The following CCNY variants were observed in gnomAD, a reference collection of about 807,000 sequenced individuals.
CCNY encodes cyclin-Y.
CCNY carries 19 observed loss-of-function variants against 42.8 expected under a neutral mutation model. The ratio of observed to expected loss-of-function variants is 0.44; its 90% CI spans 0.31 to 0.65. The LOEUF is 0.65. Ranked by LOEUF, CCNY falls within the 30% of genes least tolerant of loss-of-function variation. The pLI, the probability that CCNY is intolerant of heterozygous loss-of-function variation, is 0.07. For missense variants in CCNY, 370 were observed against 437.3 expected, an observed-to-expected ratio of 0.85 and a Z score of 1.37; for synonymous variants, 165 against 162.7, an observed-to-expected ratio of 1.01 and a Z score of -0.11.
chr10:35,253,077 A>G lies in CCNY; in HGVS notation c.-9+2451A>G, dbSNP rs1238112863. ...CACGGGACTGAACACTATTAAGTCC[A>G]TGAGAACAAATGAAGTTCACTGCTG... On this transcript the variant is annotated intron_variant, in intron 3 of 11. Coordinates refer to the CCNY transcript ENST00000374706. 4.6e-5 allele frequency among the ~76,000 whole-genome samples: 7 copies of G among 152,354 alleles called. No individual in the cohort carries two copies. The East Asian group carries it at 9.6e-4, about 21-fold the overall frequency.
At chr10:35,248,660 A>G (rs2095709817) in intron 2 of CCNY, among the ~76,000 whole-genome samples, 1 of 151,100 alleles carries the variant, frequency 6.6e-6, no homozygotes, top group South Asian at 2.1e-4. Context: ...AAAAAAAAGA[A>G]AGAAAGAAAA....
At chr10:35,447,387 G>A (rs10508817) in intron 1 of CCNY, among the ~76,000 whole-genome samples, 1 of 152,042 alleles carries the variant, frequency 6.6e-6, no homozygotes, top group South Asian at 2.1e-4. Flanking sequence ...CTTTACTAGC[G>A]ATAACGTGGT....
intron 1 of CCNY, among the ~76,000 whole-genome samples, chr10:35,446,287 A>G (rs1838788721): frequency 6.6e-6 from 1 of 152,250 alleles, no homozygotes; most frequent in South Asian, 2.1e-4. Flanking sequence ...GAAGTAAGGT[A>G]ACAGGTCAGT....
chr10:35,501,571 AC>A, intron 3 of CCNY, 36 bp downstream of exon 3: 4 of 1,583,054 alleles, frequency 2.5e-6, no homozygotes, highest in Non-Finnish European at 3.5e-6. Context: ...CTTCATAATG[AC>A]TGTACAGTGT....
At chr10:35,500,185 G>A (rs562575987) in intron 2 of CCNY, among the ~76,000 whole-genome samples, 3 of 152,336 alleles carry the variant, frequency 2.0e-5, no homozygotes, top group East Asian at 3.9e-4. Context: ...GGGGCTGATC[G>A]CCTGCACATG....
intron 1 of CCNY, among the ~76,000 whole-genome samples, chr10:35,357,322 A>G (rs180870512): frequency 1.4e-3 from 207 of 152,334 alleles, no homozygotes; most frequent in African/African-American, 4.4e-3. Context: ...TAGAAACACA[A>G]TGAGGACAGG....
chr10:35,360,084 A>G (rs1836648765), intron 1 of CCNY, among the ~76,000 whole-genome samples: 1 of 152,156 alleles, frequency 6.6e-6, no homozygotes, highest in South Asian at 2.1e-4. Flanking sequence ...GTGTTGAAAC[A>G]TTTGTTTGAG....
intron 3 of CCNY, among the ~76,000 whole-genome samples, chr10:35,275,461 AGCTAAAGAGTGTGTCCAGTCGGCTGGGC>A (rs982269841): frequency 2.6e-5 from 4 of 151,960 alleles, no homozygotes; most frequent in Admixed American, 2.6e-4. Flanking sequence ...GGATTTTGCC[AGCTAAAGAGTGTGTCCAGTCGGCTGGGC>A]GCGGTGGCTC....
intron 1 of CCNY, among the ~76,000 whole-genome samples, chr10:35,390,235 T>A (rs1368708217): frequency 1.3e-5 from 2 of 152,204 alleles, no homozygotes; most frequent in Non-Finnish European, 2.9e-5. Context: ...TGCCTTGCAA[T>A]GATTAATTAG....
intron 1 of CCNY, among the ~76,000 whole-genome samples, chr10:35,406,386 G>A (rs1275339827): frequency 6.6e-6 from 1 of 151,984 alleles, no homozygotes; most frequent in Non-Finnish European, 1.5e-5. Context: ...GCCTTCCGCA[G>A]TGTTTGTGTC....
At chr10:35,385,419 T>G (rs118189383) in intron 1 of CCNY, among the ~76,000 whole-genome samples, 81 of 152,326 alleles carry the variant, frequency 5.3e-4, no homozygotes, top group Non-Finnish European at 1.0e-3. Flanking sequence ...TTCAGGTAAA[T>G]GAAGTTAGTT....
chr10:35,255,752 G>T (rs993302823), intron 3 of CCNY, among the ~76,000 whole-genome samples: 1 of 151,960 alleles, frequency 6.6e-6, no homozygotes, highest in Admixed American at 6.6e-5. Flanking sequence ...GTGCCACCAT[G>T]CCTGGCTAAT....
At chr10:35,327,021 C>A (rs867717640) in intron 3 of CCNY, among the ~76,000 whole-genome samples, 28 of 152,210 alleles carry the variant, frequency 1.8e-4, no homozygotes, top group African/African-American at 6.5e-4. Flanking sequence ...ACTCTACAAC[C>A]TTCCTTGTTT....
chr10:35,357,300 C>T (rs1836579528), intron 1 of CCNY, among the ~76,000 whole-genome samples: 1 of 151,796 alleles, frequency 6.6e-6, no homozygotes. Flanking sequence ...TGTGTTTCCC[C>T]CACTCCCAGA....
At chr10:35,331,802 C>T (rs774388186), upstream of CCNY, among the ~76,000 whole-genome samples, 1 of 151,994 alleles carries the variant, frequency 6.6e-6, no homozygotes, top group Non-Finnish European at 1.5e-5. Flanking sequence ...AGGTATATGC[C>T]CAGGCGATAA....
intron 1 of CCNY, among the ~76,000 whole-genome samples, chr10:35,349,168 C>T (rs1354056742): frequency 3.3e-5 from 5 of 152,108 alleles, no homozygotes; most frequent in South Asian, 4.2e-4. Context: ...CAATCCCCCT[C>T]GGACACTGAG....
chr10:35,511,640 C>T (rs1320396606), intron 3 of CCNY, among the ~76,000 whole-genome samples: 1 of 152,190 alleles, frequency 6.6e-6, no homozygotes, highest in Non-Finnish European at 1.5e-5. Context: ...TACTTCATTT[C>T]TCTGATCTCC....
intron 4 of CCNY, among the ~76,000 whole-genome samples, chr10:35,520,422 C>CAT (rs1474505945): frequency 4.6e-5 from 7 of 152,062 alleles, no homozygotes; most frequent in Non-Finnish European, 7.4e-5. Context: ...CTCTTGCACC[C>CAT]TACTCCAGAC....
intron 1 of CCNY, among the ~76,000 whole-genome samples, chr10:35,478,409 C>G (rs1380187213): frequency 6.6e-6 from 1 of 151,342 alleles, no homozygotes; most frequent in African/African-American, 2.4e-5. Flanking sequence ...CTACAGTAAC[C>G]AAAACAGCAT....
Sources: gnomAD v4.1 joint callset for allele counts (sites outside exome capture counted in the v4.1 genomes callset) on GRCh38, gnomAD v4.1.1 for gene constraint, MANE v1.5 for transcripts, NCBI Gene and HGNC (gene_info 2026-07-23, HGNC 2026-07-21) for gene names.